Variants in CAND1 observed in about 807,000 individuals in gnomAD.
CAND1 encodes the protein cullin associated and neddylation dissociated 1.
A neutral mutation model predicts 108.5 loss-of-function variants in CAND1; 7 were observed. The observed-to-expected ratio is 0.06, with a 90% confidence interval of 0.04 to 0.12. The LOEUF (loss-of-function observed/expected upper bound fraction) is 0.12, where lower values mean the gene tolerates loss of function less well. Among genes scored for constraint, CAND1 ranks in the 10% least tolerant of loss-of-function variants. The pLI, the probability that CAND1 is intolerant of heterozygous loss-of-function variation, is 1.00. For missense variants in CAND1, 941 were observed against 1,448.7 expected, an observed-to-expected ratio of 0.65 and a Z score of 5.69; for synonymous variants, 534 against 512.0, an observed-to-expected ratio of 1.04 and a Z score of -0.58.
chr12:67,288,136 A>AT (rs535157799), intron 2 of CAND1, among the ~76,000 whole-genome samples: 3,057 of 135,854 alleles, frequency 0.023, 106 homozygotes, highest in African/African-American at 0.074. Flanking sequence ...TCTTTTCTGA[A>AT]TTTTTTTTTT....
chr12:67,292,979 C>A, intron 3 of CAND1: 1 of 505,204 alleles, frequency 2.0e-6, no homozygotes, highest in Non-Finnish European at 3.5e-6. Flanking sequence ...TTTGATTGAA[C>A]TTGTATGTAA....
At chr12:67,291,252 TGGGAGCACA>T (rs2044719316) in intron 2 of CAND1, among the ~76,000 whole-genome samples, 4 of 152,248 alleles carry the variant, frequency 2.6e-5, no homozygotes, top group African/African-American at 9.6e-5. Flanking sequence ...CAAGGTGCTT[TGGGAGCACA>T]GGGTAGTGTA....
chr12:67,318,493 G>A lies in CAND1; in HGVS notation c.*5663G>A, dbSNP rs1223215293. 2.0e-5 allele frequency: 3 copies of A among 152,210 alleles called. No homozygotes were observed. Among genetic ancestry groups the A allele is most frequent in the Admixed American group, 6.5e-5 (1 of 15,282 alleles). The allele number at this position is 152,210 out of a possible 1,614,324, so 9.4% of individuals were successfully genotyped here. On this transcript the variant is annotated 3_prime_UTR_variant, in exon 15 of 15. Coordinates refer to ENST00000545606, the MANE Select transcript of CAND1 (RefSeq NM_018448.5). ...TAAAACAGTACCTGGGACATACTAA[G>A]TAATATAATTGTTAACTCTTACTAG...
At chr12:67,303,350 CTTGTTT>C (rs2044844675) in intron 8 of CAND1, among the ~76,000 whole-genome samples, 1 of 152,098 alleles carries the variant, frequency 6.6e-6, no homozygotes, top group Non-Finnish European at 1.5e-5. Context: ...CTGTATCTAT[CTTGTTT>C]TTAAGTAGTA....
At chr12:67,309,476 CTT>C (rs1207125271) in intron 11 of CAND1, among the ~76,000 whole-genome samples, 1 of 151,776 alleles carries the variant, frequency 6.6e-6, no homozygotes, top group African/African-American at 2.4e-5. Context: ...GTGGGTCTGT[CTT>C]CACTTCATTT....
At chr12:67,271,345 C>T (rs1437058718) in intron 1 of CAND1, among the ~76,000 whole-genome samples, 4 of 152,060 alleles carry the variant, frequency 2.6e-5, no homozygotes, top group African/African-American at 9.7e-5. Flanking sequence ...AGGTGTGTGG[C>T]GTGATTTCCT....
In CAND1 at chr12:67,269,519, C is replaced by T. The variant is rs1189459575; in HGVS notation, c.-199C>T. ...GGCTGGCTCTGTAGCCTCGGCTTACCCCGGGACAGGCCCACGCCTCGCCAG... is the reference window on the plus strand; with the variant it reads ...GGCTGGCTCTGTAGCCTCGGCTTACTCCGGGACAGGCCCACGCCTCGCCAG... On this transcript the variant is annotated 5_prime_UTR_variant, in exon 1 of 15. Transcript: ENST00000545606. The T allele has an allele frequency of 1.1e-5, 6 of 557,086 alleles. No homozygotes were observed. Among genetic ancestry groups the T allele is most frequent in the Non-Finnish European group, 1.6e-5 (5 of 321,330 alleles). The allele number at this position is 557,086 out of a possible 1,614,324, so 34.5% of individuals were successfully genotyped here.
chr12:67,289,439 G>A (rs941426566), intron 2 of CAND1, among the ~76,000 whole-genome samples: 2 of 152,038 alleles, frequency 1.3e-5, no homozygotes, highest in Non-Finnish European at 2.9e-5. Context: ...CCCAGGTGAG[G>A]GTGCAGTGGT....
intron 7 of CAND1, among the ~76,000 whole-genome samples, chr12:67,299,432 G>A (rs1436194493): frequency 6.6e-6 from 1 of 152,018 alleles, no homozygotes; most frequent in Non-Finnish European, 1.5e-5. Flanking sequence ...ATTACCACTT[G>A]TTTTCTCTTG....
In CAND1 at chr12:67,304,601, G is replaced by A; in HGVS notation, c.1294-4G>A. ...ACCAGCTAATGACTATATGATAATT[G>A]CAGGTTCCCAACATTGTTAAAGCTC... On this transcript the variant is annotated splice_region_variant and splice_polypyrimidine_tract_variant and intron_variant, in intron 8 of 14. Transcript: ENST00000545606. The A allele has an allele frequency of 6.2e-7, 1 of 1,613,034 alleles. No homozygotes were observed. The highest frequency in any genetic ancestry group is 8.5e-7 in the Non-Finnish European group (1 of 1,179,688).
rs2044968072 is a variant in CAND1, at chr12:67,312,928, C to T, written c.*98C>T. 2 of 742,044 alleles carry T rather than the reference C, an allele frequency of 2.7e-6. No homozygotes were observed. Among genetic ancestry groups the T allele is most frequent in the Non-Finnish European group, 4.2e-6 (2 of 474,954 alleles). The allele number at this position is 742,044 out of a possible 1,614,324, so 46.0% of individuals were successfully genotyped here. A position where few individuals can be genotyped will look rare whatever the true frequency, so the allele number is the denominator to read the frequency against. On this transcript the variant is annotated 3_prime_UTR_variant, in exon 15 of 15. Transcript: ENST00000545606. ...TGGAAAGAGAAGTGTCTAAAAGCTT[C>T]AAAATGTTCCACTTTTTTTTCCTTC...
In CAND1 at chr12:67,311,230, A is replaced by AGATTTATGG. The variant is rs2044945586; in HGVS notation, c.3361-462_3361-461insATTTATGGG. ...TATGAGTTTATAGTCCAAGAGAAAA[A>AGATTTATGG]GGTTTATGGGTTATCAGGTTTTACA... is the stretch of plus-strand genomic sequence containing the variant. On this transcript the variant is annotated intron_variant, in intron 13 of 14. Coordinates refer to ENST00000545606, the MANE Select transcript of CAND1 (RefSeq NM_018448.5). The AGATTTATGG allele has an allele frequency of 2.6e-5, 4 of 150,956 alleles. No homozygotes were observed. In the South Asian group the frequency reaches 8.4e-4, roughly 32 times the overall value. The allele number at this position is 150,956 out of a possible 1,614,324, so 9.4% of individuals were successfully genotyped here. A position where few individuals can be genotyped will look rare whatever the true frequency, so the allele number is the denominator to read the frequency against.
chr12:67,292,703 T>A lies in CAND1; in HGVS notation c.294T>A (p.Asp98Glu), dbSNP rs1262634484. Residue 98 changes from aspartate to glutamate, a missense_variant, in exon 3 of 15, where the codon GAT becomes GAA. By Grantham distance (45) the Asp-to-Glu change is conservative. Around this residue, in one of 9 missense-constraint regions of CAND1, gnomAD observed 44 missense variants for 129.1 expected, o/e 0.34. Coordinates refer to ENST00000545606, the MANE Select transcript of CAND1 (RefSeq NM_018448.5). ...CCCTCTGCACTAACATGCTTTCTGA[T>A]AAAGAACAACTTCGAGACATTTCAA... Reference protein sequence around the residue: ...VDTLCTNMLSDKEQLRDISSI... With the variant: ...VDTLCTNMLSEKEQLRDISSI... The A allele has an allele frequency of 6.2e-7, 1 of 1,613,848 alleles. No individual in the cohort carries two copies. Among genetic ancestry groups the A allele is most frequent in the Non-Finnish European group, 8.5e-7 (1 of 1,179,840 alleles).
intron 11 of CAND1, among the ~76,000 whole-genome samples, chr12:67,309,224 A>G (rs569952549): frequency 2.0e-5 from 3 of 152,014 alleles, no homozygotes; most frequent in African/African-American, 4.8e-5. Context: ...TGTGACTCCA[A>G]AGATCTTTGC....
At chr12:67,273,767 G>A (rs1213080114) in intron 1 of CAND1, among the ~76,000 whole-genome samples, 1 of 152,048 alleles carries the variant, frequency 6.6e-6, no homozygotes, top group African/African-American at 2.4e-5. Flanking sequence ...TTGAGCCACT[G>A]TGCCCAGCCA....
chr12:67,310,023 C>A lies in CAND1; in HGVS notation c.3148C>A (p.Pro1050Thr). ...AAGGGATCTATTGGATACTGTTCTT[C>A]CACATCTTTACAATGAAACAAAAGT... is the stretch of plus-strand genomic sequence containing the variant. ...LIRDLLDTVL[P>T]HLYNETKVRK... The change falls in exon 12 of 15, where the codon CCA becomes ACA. Residue 1050 changes from proline (P) to threonine (T), a missense_variant. By Grantham distance (38) the Pro-to-Thr change is conservative. This residue lies in a region of CAND1 where 106 missense variants were observed against 182.0 expected (regional missense o/e 0.58). Transcript: ENST00000545606. The A allele has an allele frequency of 1.9e-6, 3 of 1,612,362 alleles. No individual in the cohort carries two copies. Among genetic ancestry groups the A allele is most frequent in the Non-Finnish European group, 2.5e-6 (3 of 1,178,730 alleles).
chr12:67,309,561 G>A (rs911898372), intron 11 of CAND1, among the ~76,000 whole-genome samples: 1 of 151,934 alleles, frequency 6.6e-6, no homozygotes, highest in Non-Finnish European at 1.5e-5. Context: ...GGAGAATCAA[G>A]CATGTGATTA....
Position 67,314,178 on chromosome 12 carries a change from G to A in CAND1, c.*1348G>A, listed in dbSNP as rs1482205362. 2.0e-5 allele frequency: 3 copies of A among 152,140 alleles called. No homozygotes were observed. The East Asian group carries it at 5.8e-4, about 29-fold the overall frequency. 9.4% of individuals were successfully genotyped at this position (152,140 alleles called of 1,614,324 possible). ...ACATAGTTTACATGTATTGAAGGAG[G>A]CAGTTGTTAAATTGAGTGACCAATT... On this transcript the variant is annotated 3_prime_UTR_variant, in exon 15 of 15. Coordinates refer to ENST00000545606, the MANE Select transcript of CAND1 (RefSeq NM_018448.5).
At chr12:67,309,717 TTGCGTTGCTGCTGAAAGAAA>T (rs1239375644) in intron 11 of CAND1, among the ~76,000 whole-genome samples, 164 bp from the exon 12 acceptor site, 1 of 152,048 alleles carries the variant, frequency 6.6e-6, no homozygotes, top group Admixed American at 6.6e-5. Context: ...GAAATGATAG[TTGCGTTGCTGCTGAAAGAAA>T]CGTTATGGTT....
Sources: gnomAD v4.1 joint callset for allele counts (sites outside exome capture counted in the v4.1 genomes callset) on GRCh38, gnomAD v4.1.1 for gene constraint, gnomAD v4.1.1 regional missense constraint, MANE v1.5 for transcripts, NCBI Gene and HGNC (gene_info 2026-07-23, HGNC 2026-07-21) for gene names.